SEMA6B: variants seen among roughly 807,000 people sequenced by gnomAD.
SEMA6B encodes semaphorin-6B.
SEMA6B carries 47 observed loss-of-function variants against 78.6 expected under a neutral mutation model. The observed-to-expected ratio is 0.60, with a 90% confidence interval of 0.47 to 0.76. The LOEUF (loss-of-function observed/expected upper bound fraction) is 0.76, where lower values mean the gene tolerates loss of function less well. SEMA6B is among the 30% of genes least tolerant of loss of function. The pLI is 0.00. For missense variants in SEMA6B, 1,213 were observed against 1,269.9 expected (o/e 0.96, Z 0.68); for synonymous variants, 632 against 592.2 (o/e 1.07, Z -0.98).
At position 4,550,044 on chromosome 19, in the gene SEMA6B, G is replaced by T; in HGVS notation, c.1271+79C>A. 6.9e-7 allele frequency: 1 copy of T among 1,457,944 alleles called. No individual in the cohort carries two copies. The highest frequency in any genetic ancestry group is 9.5e-7 in the Non-Finnish European group (1 of 1,056,016). The allele number at this position is 1,457,944 out of a possible 1,614,324, so 90.3% of individuals were successfully genotyped here. A position where few individuals can be genotyped will look rare whatever the true frequency, so the allele number is the denominator to read the frequency against. Reference sequence around the variant, plus strand: ...CGCCGGAAGCCATGGGCTCATCTGTGTTGAGCATCTGGATCCTCTCACCCT... The same window carrying T: ...CGCCGGAAGCCATGGGCTCATCTGTTTTGAGCATCTGGATCCTCTCACCCT... On this transcript the variant is annotated intron_variant, in intron 12 of 16. Coordinates refer to ENST00000586582, the MANE Select transcript of SEMA6B (RefSeq NM_032108.4). This position sits in a 1 kb window ranked among gnomAD's most constrained non-coding sequence, Gnocchi z 6.6.
chr19:4,550,148 G>A lies in SEMA6B; in HGVS notation c.1246C>T (p.Pro416Ser). The A allele has an allele frequency of 6.2e-7, 1 of 1,613,808 alleles. No individual in the cohort carries two copies. Among genetic ancestry groups the A allele is most frequent in the Non-Finnish European group, 8.5e-7 (1 of 1,179,998 alleles). ...CTCATCAGGGTCCGCAGGATCCAGG[G>A]CGCATGGCCCAGCGAGGGCACCGCC... is the stretch of plus-strand genomic sequence containing the variant. ...DEAVPSLGHA[P>S]WILRTLMRHQ... The change falls in exon 12 of 17, where the codon CCC becomes TCC. Residue 416 changes from proline (P) to serine (S), a missense_variant. Transcript: ENST00000586582. This position sits in a 1 kb window ranked among gnomAD's most constrained non-coding sequence, Gnocchi z 6.6.
At position 4,544,434 on chromosome 19, in the gene SEMA6B, C is replaced by T. The variant is rs1279041694; in HGVS notation, c.1834G>A (p.Val612Met). 4 of 1,601,996 alleles carry T rather than the reference C, an allele frequency of 2.5e-6. No homozygotes were observed. Among genetic ancestry groups the T allele is most frequent in the Admixed American group, 1.7e-5 (1 of 59,356 alleles). ...CAGCCCACGCTGAAGCCGGACACCA[C>T]GGCTCCCACCACGAAGGCCGCCACC... Reference protein sequence around the residue: ...SSVAAFVVGAVVSGFSVGWFV... With the variant: ...SSVAAFVVGAMVSGFSVGWFV... Residue 612 changes from valine to methionine, a missense_variant, in exon 17 of 17, where the codon GTG (valine) becomes ATG (methionine). Coordinates refer to ENST00000586582, the MANE Select transcript of SEMA6B (RefSeq NM_032108.4). This position sits in a 1 kb window ranked among gnomAD's most constrained non-coding sequence, Gnocchi z 5.1.
In SEMA6B at chr19:4,543,704, C is replaced by T; in HGVS notation, c.2564G>A (p.Arg855Gln). 8.1e-7 allele frequency: 1 copy of T among 1,229,722 alleles called. No homozygotes were observed. The highest frequency in any genetic ancestry group is 1.0e-6 in the Non-Finnish European group (1 of 986,638). 76.2% of individuals were successfully genotyped at this position (1,229,722 alleles called of 1,614,324 possible). The change falls in exon 17 of 17, where the codon CGG (arginine) becomes CAG (glutamine). Residue 855 changes from arginine to glutamine, a missense_variant. Arg to Gln is a conservative substitution (Grantham distance 43). Coordinates refer to ENST00000586582, the MANE Select transcript of SEMA6B (RefSeq NM_032108.4). ...RTHTFNSGEA[R>Q]PGDRHRGCHA... is the part of the protein sequence containing the mutation. ...GCAGCCGCGGTGGCGGTCCCCAGGC[C>T]GGGCCTCGCCGCTGTTGAACGTGTG...
Position 4,543,117 on chromosome 19 carries a change from G to A in SEMA6B, c.*484C>T, listed in dbSNP as rs936004668. 9.6e-6 allele frequency: 6 copies of A among 623,294 alleles called. No individual in the cohort carries two copies. The Admixed American group carries it at 1.0e-4, about 11-fold the overall frequency. 38.6% of individuals were successfully genotyped at this position (623,294 alleles called of 1,614,324 possible). A position where few individuals can be genotyped will look rare whatever the true frequency, so the allele number is the denominator to read the frequency against. Reference sequence around the variant, plus strand: ...CCCACCTCCCCGGCCCCTTGCACACGAACACGGCACGCACACGCACGCACA... The same window carrying A: ...CCCACCTCCCCGGCCCCTTGCACACAAACACGGCACGCACACGCACGCACA... On this transcript the variant is annotated 3_prime_UTR_variant, in exon 17 of 17. Coordinates refer to ENST00000586582, the MANE Select transcript of SEMA6B (RefSeq NM_032108.4).
Position 4,552,717 on chromosome 19 carries a change from A to G in SEMA6B, c.772-78T>C, listed in dbSNP as rs549789545. ...CTGTTCACAGGCTGTGCCACTCACC[A>G]CCCAAACTGTGATGGAGGAGTCTGA... On this transcript the variant is annotated intron_variant, in intron 9 of 16. Transcript: ENST00000586582. This position sits in a 1 kb window ranked among gnomAD's most constrained non-coding sequence, Gnocchi z 7.4. The G allele has an allele frequency of 7.3e-7, 1 of 1,373,108 alleles. No individual in the cohort carries two copies. Among genetic ancestry groups the G allele is most frequent in the East Asian group, 2.4e-5 (1 of 41,450 alleles). The allele number at this position is 1,373,108 out of a possible 1,614,324, so 85.1% of individuals were successfully genotyped here. A position where few individuals can be genotyped will look rare whatever the true frequency, so the allele number is the denominator to read the frequency against.
At position 4,544,094 on chromosome 19, in the gene SEMA6B, G is replaced by C; in HGVS notation, c.2174C>G (p.Pro725Arg). 1 of 1,258,986 alleles carries C rather than the reference G, an allele frequency of 7.9e-7. No homozygotes were observed. Among genetic ancestry groups the C allele is most frequent in the Non-Finnish European group, 1.0e-6 (1 of 1,002,794 alleles). 78.0% of individuals were successfully genotyped at this position (1,258,986 alleles called of 1,614,324 possible). Reference protein sequence around the residue: ...LPQKRLPTPHPHPHALGPRAW... With the variant: ...LPQKRLPTPHRHPHALGPRAW... ...GCGGGGGCCCAGGGCGTGGGGGTGC[G>C]GGTGCGGAGTGGGCAGGCGCTTCTG... is the stretch of plus-strand genomic sequence containing the variant. The change falls in exon 17 of 17, where the codon CCG becomes CGG. Residue 725 changes from proline to arginine, a missense_variant. Transcript: ENST00000586582. This position sits in a 1 kb window ranked among gnomAD's most constrained non-coding sequence, Gnocchi z 5.1.
chr19:4,542,682 C>T lies in SEMA6B; in HGVS notation c.*919G>A, dbSNP rs1031818202. 1.6e-6 allele frequency: 1 copy of T among 643,848 alleles called. No homozygotes were observed. The allele number at this position is 643,848 out of a possible 1,614,324, so 39.9% of individuals were successfully genotyped here. Reference sequence around the variant, plus strand: ...AGGACCCAGCCAGCCACGTGGCATGCATGGTCAGCTGGAGGTCAGAGGGGG... The same window carrying T: ...AGGACCCAGCCAGCCACGTGGCATGTATGGTCAGCTGGAGGTCAGAGGGGG... On this transcript the variant is annotated 3_prime_UTR_variant, in exon 17 of 17. Transcript: ENST00000586582.
At position 4,550,992 on chromosome 19, in the gene SEMA6B, C is replaced by T. The variant is rs987990317; in HGVS notation, c.990-62G>A. On this transcript the variant is annotated intron_variant, in intron 10 of 16. Transcript: ENST00000586582. The surrounding 1 kb of genome is among the most constrained non-coding windows in gnomAD (Gnocchi z 6.6). ...TGGGAGGCCCCATCTCGGACAAGTG[C>T]GTGCAGGAGCCTCTGTCTGCAGGAG... 45 of 1,583,342 alleles carry T rather than the reference C, an allele frequency of 2.8e-5. No homozygotes were observed. Among genetic ancestry groups the T allele is most frequent in the South Asian group, 2.3e-4 (21 of 89,420 alleles).
At chr19:4,554,719 G>A (rs930825580) in intron 8 of SEMA6B, among the ~76,000 whole-genome samples, 2 of 152,208 alleles carry the variant, frequency 1.3e-5, no homozygotes, top group Non-Finnish European at 2.9e-5. Flanking sequence ...ATGTGTTGAA[G>A]AGCTGAGTCC....
At chr19:4,559,459 CAT>C (rs1776113793) in intron 1 of SEMA6B, 69 bp downstream of exon 1, 1 of 152,190 alleles carries the variant, frequency 6.6e-6, no homozygotes, top group African/African-American at 2.4e-5. Context: ...CAGGTAATGA[CAT>C]AGCAGCGGAA....
rs949030100 is a variant in SEMA6B, at chr19:4,558,824, T to C, written c.-32-335A>G. On this transcript the variant is annotated intron_variant, in intron 1 of 16. Transcript: ENST00000586582. The surrounding 1 kb of genome is among the most constrained non-coding windows in gnomAD (Gnocchi z 5.1). The stretch of plus-strand genomic sequence containing the variant: ...CAATCGCAAAATACATGCATAAAAA[T>C]ACTTAGAATTAAAACACAAAAATAT... Among the ~76,000 whole-genome samples the C allele has an allele frequency of 6.6e-6, 1 of 151,056 alleles. No individual in the cohort carries two copies. The highest frequency in any genetic ancestry group is 2.4e-5 in the African/African-American group (1 of 41,054).
chr19:4,556,103 A>G lies in SEMA6B; in HGVS notation c.370-14T>C, dbSNP rs746467601. On this transcript the variant is annotated splice_polypyrimidine_tract_variant and intron_variant, in intron 5 of 16. Transcript: ENST00000586582. The stretch of plus-strand genomic sequence containing the variant: ...TCGACACTCGCCCTGAGGTGGGGAC[A>G]GGAGGAAGCGGGGAGCGCGATGTGG... 16 of 1,601,330 alleles carry G rather than the reference A, an allele frequency of 1.0e-5. No homozygotes were observed. The highest frequency in any genetic ancestry group is 1.4e-5 in the Non-Finnish European group (16 of 1,168,688).
intron 9 of SEMA6B, among the ~76,000 whole-genome samples, chr19:4,553,379 G>GTGGATGGATGGATGGATGGATGGATGGA (rs529191124): frequency 8.6e-6 from 1 of 116,488 alleles, no homozygotes; most frequent in East Asian, 2.9e-4. Context: ...GGATGGGTGA[G>GTGGATGGATGGATGGATGGATGGATGGA]TGGATGGATG....
Position 4,543,120 on chromosome 19 carries a change from C to G in SEMA6B, c.*481G>C. On this transcript the variant is annotated 3_prime_UTR_variant, in exon 17 of 17. Coordinates refer to ENST00000586582, the MANE Select transcript of SEMA6B (RefSeq NM_032108.4). ...ACCTCCCCGGCCCCTTGCACACGAACACGGCACGCACACGCACGCACACCC... is the reference window on the plus strand; with the variant it reads ...ACCTCCCCGGCCCCTTGCACACGAAGACGGCACGCACACGCACGCACACCC... The G allele has an allele frequency of 1.6e-6, 1 of 622,324 alleles. No individual in the cohort carries two copies. The highest frequency in any genetic ancestry group is 2.7e-5 in the East Asian group (1 of 36,544). 38.6% of individuals were successfully genotyped at this position (622,324 alleles called of 1,614,324 possible).
chr19:4,548,670 C>A (rs1315046951), intron 12 of SEMA6B, among the ~76,000 whole-genome samples: 1 of 152,254 alleles, frequency 6.6e-6, no homozygotes, highest in Non-Finnish European at 1.5e-5. Context: ...CTCTCCTCAG[C>A]CCTGTCTCTT....
rs767190365 is a variant in SEMA6B, at chr19:4,548,189, G to A, written c.1455-16C>T. ...CCGTCCACACCTGGGGACAAGCAGA[G>A]TGGTGAGGCTGAGCGCATCTCAGCC... On this transcript the variant is annotated splice_polypyrimidine_tract_variant and intron_variant, in intron 13 of 16. Transcript: ENST00000586582. The A allele has an allele frequency of 2.5e-6, 4 of 1,588,188 alleles. No homozygotes were observed. The East Asian group carries it at 9.1e-5, about 36-fold the overall frequency.
chr19:4,547,765 G>A (rs1162298898), intron 14 of SEMA6B, among the ~76,000 whole-genome samples: 1 of 146,676 alleles, frequency 6.8e-6, no homozygotes, highest in Non-Finnish European at 1.5e-5. Flanking sequence ...TGCACAAACT[G>A]CCTCGTCCTC....
chr19:4,552,370 C>T lies in SEMA6B; in HGVS notation c.989+52G>A. 2 of 1,513,164 alleles carry T rather than the reference C, an allele frequency of 1.3e-6. No individual in the cohort carries two copies. Among genetic ancestry groups the T allele is most frequent in the Non-Finnish European group, 1.8e-6 (2 of 1,118,236 alleles). 93.7% of individuals were successfully genotyped at this position (1,513,164 alleles called of 1,614,324 possible). A position where few individuals can be genotyped will look rare whatever the true frequency, so the allele number is the denominator to read the frequency against. ...CCTGAGGAGTGAATACAGGCCCTCT[C>T]TACCCATGCCCACCAAATGCTCCCA... On this transcript the variant is annotated intron_variant, in intron 10 of 16. Coordinates refer to ENST00000586582, the MANE Select transcript of SEMA6B (RefSeq NM_032108.4). This position sits in a 1 kb window ranked among gnomAD's most constrained non-coding sequence, Gnocchi z 7.4.
At chr19:4,557,069 C>T (rs917407751) in intron 4 of SEMA6B, 56 bp from the exon 5 acceptor site, 11 of 1,597,094 alleles carry the variant, frequency 6.9e-6, no homozygotes, top group Admixed American at 5.1e-5. Context: ...CCTGAGTGAC[C>T]CCGCCGTGCT....
Sources: gnomAD v4.1 joint callset for allele counts (sites outside exome capture counted in the v4.1 genomes callset) on GRCh38, gnomAD v4.1.1 for gene constraint, Gnocchi (gnomAD v3.1) non-coding constraint, MANE v1.5 for transcripts, NCBI Gene and HGNC (gene_info 2026-07-23, HGNC 2026-07-21) for gene names.